The following NEAT1 variants were observed in gnomAD, a reference collection of about 807,000 sequenced individuals.
NEAT1 encodes the protein MENepsilon/beta.
exon 1 of NEAT1, chr11:65,437,670 A>G (rs1565634683): frequency 6.6e-6 from 1 of 151,952 alleles, no homozygotes; most frequent in Non-Finnish European, 1.5e-5. Flanking sequence ...ACGTCTTTCC[A>G]TCCACTCACG....
chr11:65,445,393 T>TAAGG (rs915413831), exon 1 of NEAT1: 1 of 150,962 alleles, frequency 6.6e-6, no homozygotes, highest in Non-Finnish European at 1.5e-5. Flanking sequence ...ACAAGGGAAG[T>TAAGG]AAGGAAGGTA....
At chr11:65,438,968 T>C (rs983907079) in exon 1 of NEAT1, 1 of 152,234 alleles carries the variant, frequency 6.6e-6, no homozygotes, top group Non-Finnish European at 1.5e-5. Context: ...CAAACTATTT[T>C]CCCACGTCCA....
At chr11:65,433,453 C>G (rs1436628650) in exon 1 of NEAT1, 2 of 152,132 alleles carry the variant, frequency 1.3e-5, no homozygotes, top group Non-Finnish European at 2.9e-5. Flanking sequence ...TGATTCAGGA[C>G]ACAACATGGC....
At chr11:65,439,558 C>T (rs912522722) in exon 1 of NEAT1, 3 of 151,632 alleles carry the variant, frequency 2.0e-5, no homozygotes, top group East Asian at 3.9e-4. Context: ...TGGTGGTGCA[C>T]GTCTGTAATA....
Position 65,438,689 on chromosome 11 carries a change from T to C in NEAT1, n.15892T>C, listed in dbSNP as rs144014140. The C allele has an allele frequency of 4.0e-4, 61 of 152,348 alleles. 2 individuals are homozygous for C. The East Asian group carries it at 0.011, about 26-fold the overall frequency. 9.4% of individuals were successfully genotyped at this position (152,348 alleles called of 1,614,324 possible). A position where few individuals can be genotyped will look rare whatever the true frequency, so the allele number is the denominator to read the frequency against. On this transcript the variant is annotated non_coding_transcript_exon_variant, in exon 1 of 1. Coordinates refer to ENST00000501122, the Ensembl canonical transcript of NEAT1. ...CTGTCTGATTTCACTTAGCGGGTTT[T>C]CAGGGTTCATTCATGTTGCAGCATA...
At chr11:65,434,999 G>A (rs1856646292) in exon 1 of NEAT1, 1 of 152,140 alleles carries the variant, frequency 6.6e-6, no homozygotes, top group African/African-American at 2.4e-5. Flanking sequence ...TTTTGTCAAG[G>A]TATAATTTTT....
exon 1 of NEAT1, chr11:65,430,859 T>C (rs1197815537): frequency 1.3e-5 from 2 of 152,254 alleles, no homozygotes; most frequent in East Asian, 3.8e-4. Context: ...TTTTACAATT[T>C]TATTTATTTC....
exon 1 of NEAT1, chr11:65,442,172 C>T (rs2134908555): frequency 6.6e-6 from 1 of 151,988 alleles, no homozygotes; most frequent in South Asian, 2.1e-4. Context: ...TCCCCCATGG[C>T]CAGAGCCTGA....
At chr11:65,423,260 C>T (rs1030468833) in exon 1 of NEAT1, 1 of 152,550 alleles carries the variant, frequency 6.6e-6, no homozygotes, top group Non-Finnish European at 1.5e-5. Context: ...GGCTAATCTT[C>T]AACTTGTCCA....
chr11:65,424,268 TC>T (rs1856537809), exon 1 of NEAT1: 1 of 152,228 alleles, frequency 6.6e-6, no homozygotes, highest in Admixed American at 6.5e-5. Flanking sequence ...AAATGCTTGT[TC>T]CAGAGCCCAT....
exon 1 of NEAT1, chr11:65,443,834 T>G (rs1009983321): frequency 2.0e-5 from 3 of 152,974 alleles, no homozygotes; most frequent in African/African-American, 7.2e-5. Flanking sequence ...ATTGGCTGAG[T>G]GCAGTGGTTC....
At chr11:65,434,640 C>G (rs1172578967) in exon 1 of NEAT1, 1 of 152,132 alleles carries the variant, frequency 6.6e-6, no homozygotes, top group Admixed American at 6.5e-5. Flanking sequence ...TACACAACCC[C>G]TTGTGCACAA....
At chr11:65,444,056 T>A (rs931926295) in exon 1 of NEAT1, 1 of 180,836 alleles carries the variant, frequency 5.5e-6, no homozygotes, top group African/African-American at 2.4e-5. Flanking sequence ...TCTCTGCTGC[T>A]GCAGTAAGTA....
At chr11:65,429,476 T>G (rs1856593898) in exon 1 of NEAT1, 1 of 139,136 alleles carries the variant, frequency 7.2e-6, no homozygotes, top group African/African-American at 2.6e-5. Context: ...CAATTGGCCA[T>G]TTGTGGTGTG....
chr11:65,424,176 A>T (rs919653935), exon 1 of NEAT1: 8 of 152,240 alleles, frequency 5.3e-5, no homozygotes, highest in Admixed American at 4.6e-4. Context: ...TACCATTTAA[A>T]GTTTGCAGAT....
exon 1 of NEAT1, chr11:65,429,186 CTGT>C (rs1856591118): frequency 2.0e-5 from 3 of 151,998 alleles, no homozygotes; most frequent in African/African-American, 7.3e-5. Context: ...TTTTTCACGT[CTGT>C]TGTTATCTCT....
chr11:65,440,087 T>G (rs1187858971), exon 1 of NEAT1: 1 of 152,172 alleles, frequency 6.6e-6, no homozygotes, highest in Non-Finnish European at 1.5e-5. Flanking sequence ...TGATACCCTA[T>G]CTCTTAAAAA....
At chr11:65,439,761 A>G (rs914869994) in exon 1 of NEAT1, 2 of 152,130 alleles carry the variant, frequency 1.3e-5, no homozygotes, top group Non-Finnish European at 2.9e-5. Context: ...GTTAATGTGA[A>G]TGATTAAGGT....
At chr11:65,444,263 CTGTG>C (rs66756887) in exon 1 of NEAT1, 12,666 of 252,416 alleles carry the variant, frequency 0.05, 249 homozygotes, top group South Asian at 0.051. Context: ...AGTCCTCAGA[CTGTG>C]TGTGTGTGTG....
Sources: allele counts gnomAD v4.1 joint callset, GRCh38; gene constraint gnomAD v4.1.1; transcripts MANE v1.5; gene names NCBI Gene and HGNC (gene_info 2026-07-23, HGNC 2026-07-21).